Variants in SRGAP3 observed in about 807,000 individuals in gnomAD.
The protein encoded by SRGAP3 is SLIT-ROBO Rho GTPase activating protein 3.
In SRGAP3, 39 loss-of-function variants were observed where a neutral mutation model predicts 121.1. The ratio of observed to expected loss-of-function variants is 0.32; its 90% CI spans 0.25 to 0.42. The LOEUF is 0.42. Among genes scored for constraint, SRGAP3 ranks in the 10% least tolerant of loss-of-function variants. The probability of loss-of-function intolerance (pLI) is 1.00; values close to 1 mark genes in which losing one functional copy is unlikely to be tolerated. For missense variants in SRGAP3, 1,213 were observed against 1,470.6 expected, an observed-to-expected ratio of 0.82 and a Z score of 2.86; for synonymous variants, 601 against 570.0, an observed-to-expected ratio of 1.05 and a Z score of -0.77.
At chr3:9,212,246 C>T (rs948334971) in intron 1 of SRGAP3, among the ~76,000 whole-genome samples, 21 of 152,192 alleles carry the variant, frequency 1.4e-4, no homozygotes, top group African/African-American at 5.1e-4. Flanking sequence ...ATAAACCACG[C>T]TGGTCCCAGC....
At chr3:9,341,756 C>T (rs940878478) in intron 1 of SRGAP3, among the ~76,000 whole-genome samples, 1 of 152,188 alleles carries the variant, frequency 6.6e-6, no homozygotes, top group Non-Finnish European at 1.5e-5. Context: ...ACCTCGGCCT[C>T]CCAAAGTGTT....
chr3:9,047,574 G>A (rs577289189), intron 9 of SRGAP3, 99 bp from the exon 10 acceptor site: 169 of 1,150,008 alleles, frequency 1.5e-4, no homozygotes, highest in Admixed American at 6.6e-4. Context: ...GCCGAACAGA[G>A]ATCACGTCAC....
intron 1 of SRGAP3, chr3:9,216,684 G>C (rs1952641660): frequency 6.6e-6 from 1 of 152,586 alleles, no homozygotes. Context: ...AGGTACTGAG[G>C]GGCCAAGTCA....
chr3:9,133,891 T>G (rs1158568086), intron 1 of SRGAP3, among the ~76,000 whole-genome samples: 1 of 152,234 alleles, frequency 6.6e-6, no homozygotes, highest in Non-Finnish European at 1.5e-5. Flanking sequence ...GGTAGGGTTT[T>G]AAGTAAAATA....
intron 1 of SRGAP3, among the ~76,000 whole-genome samples, chr3:9,344,309 G>A (rs1955845913): frequency 6.6e-6 from 1 of 152,186 alleles, no homozygotes; most frequent in African/African-American, 2.4e-5. Context: ...ACAAAAATTA[G>A]CTGGGCATTG....
At position 9,020,323 on chromosome 3, in the gene SRGAP3, T is replaced by C. The variant is rs77089985; in HGVS notation, c.1679-4592A>G. On this transcript the variant is annotated intron_variant, in intron 14 of 21. Transcript: ENST00000383836. Reference sequence around the variant, plus strand: ...ACAGTAGAATCTCAACCTTTTTTTTTTCTCAGTAAAAAATTCCTGTGAAAT... The same window carrying C: ...ACAGTAGAATCTCAACCTTTTTTTTCTCTCAGTAAAAAATTCCTGTGAAAT... Among the ~76,000 whole-genome samples the C allele has an allele frequency of 2.0e-5, 3 of 152,190 alleles. No homozygotes were observed. The South Asian group carries it at 6.2e-4, about 32-fold the overall frequency.
intron 3 of SRGAP3, among the ~76,000 whole-genome samples, chr3:9,096,928 CATT>C (rs1193997948): frequency 0.025 from 2,414 of 94,896 alleles, 109 homozygotes; most frequent in African/African-American, 0.079. Context: ...ATATTTTTTA[CATT>C]ATTTTGTATA....
intron 3 of SRGAP3, among the ~76,000 whole-genome samples, chr3:9,316,853 C>G (rs1027457777): frequency 5.3e-5 from 8 of 152,144 alleles, no homozygotes; most frequent in African/African-American, 7.2e-5. Flanking sequence ...TGCTAAGCAT[C>G]TGAAGGCGGG....
intron 10 of SRGAP3, among the ~76,000 whole-genome samples, chr3:9,045,115 G>A (rs1945197256): frequency 6.7e-6 from 1 of 150,038 alleles, no homozygotes. Context: ...ACTAGATGTG[G>A]AGTATATGAA....
chr3:9,124,154 G>C (rs1949129886), intron 2 of SRGAP3, among the ~76,000 whole-genome samples: 2 of 152,240 alleles, frequency 1.3e-5, no homozygotes, highest in Admixed American at 6.5e-5. Context: ...TCAGAGCTTG[G>C]GATATGAGAA....
At position 9,040,293 on chromosome 3, in the gene SRGAP3, T is replaced by G. The variant is rs6783248; in HGVS notation, c.1409-2203A>C. ...GGGACAAAATCCAGACCTCTTACTC[T>G]GTTTTATAAACCCTTTGAGGTCAGA... On this transcript the variant is annotated intron_variant, in intron 10 of 21. Transcript: ENST00000383836. Among the ~76,000 whole-genome samples, 133 of 152,244 alleles carry G rather than the reference T, an allele frequency of 8.7e-4. 3 individuals are homozygous for G. The highest frequency in any genetic ancestry group is 3.1e-3 in the African/African-American group (130 of 41,582).
At chr3:9,013,980 G>A (rs1943504650) in intron 15 of SRGAP3, 138 bp from the exon 16 acceptor site, 3 of 794,264 alleles carry the variant, frequency 3.8e-6, no homozygotes, top group Non-Finnish European at 2.2e-6. Context: ...GATCACAGGT[G>A]ATCCTGGCCT....
chr3:9,290,151 G>A (rs1291421773), intron 3 of SRGAP3, among the ~76,000 whole-genome samples: 1 of 152,030 alleles, frequency 6.6e-6, no homozygotes, highest in Non-Finnish European at 1.5e-5. Flanking sequence ...AAGTGTCTAT[G>A]AAGCAAACAC....
At chr3:9,174,269 A>T (rs1161986854) in intron 1 of SRGAP3, among the ~76,000 whole-genome samples, 1 of 152,358 alleles carries the variant, frequency 6.6e-6, no homozygotes, top group East Asian at 1.9e-4. Flanking sequence ...GATGGTGGTG[A>T]TGGCTGCACA....
intron 3 of SRGAP3, among the ~76,000 whole-genome samples, chr3:9,306,966 C>A (rs1955170850): frequency 1.3e-5 from 2 of 152,028 alleles, no homozygotes. Flanking sequence ...TCTTTACACA[C>A]TTGTATGACT....
intron 5 of SRGAP3, 32 bp downstream of exon 5, chr3:9,064,364 C>G: frequency 6.2e-7 from 1 of 1,614,054 alleles, no homozygotes; most frequent in Non-Finnish European, 8.5e-7. Flanking sequence ...TGCCCTGTCC[C>G]CAATCGCTCC....
At chr3:9,307,886 A>C (rs1283181376) in intron 3 of SRGAP3, among the ~76,000 whole-genome samples, 1 of 152,214 alleles carries the variant, frequency 6.6e-6, no homozygotes, top group East Asian at 1.9e-4. Context: ...TGGGCGTGGC[A>C]GCTCACACCT....
chr3:9,229,159 G>A (rs1953109397), intron 1 of SRGAP3, among the ~76,000 whole-genome samples: 1 of 151,916 alleles, frequency 6.6e-6, no homozygotes, highest in African/African-American at 2.4e-5. Flanking sequence ...CCACTGGAAG[G>A]AAAGGTGATA....
At chr3:9,019,930 G>A (rs946477386) in intron 14 of SRGAP3, among the ~76,000 whole-genome samples, 5 of 152,156 alleles carry the variant, frequency 3.3e-5, no homozygotes, top group African/African-American at 1.2e-4. Context: ...TTCTTTGTAG[G>A]GAAGGAAGAG....
Sources: allele counts gnomAD v4.1 joint callset (sites outside exome capture counted in the v4.1 genomes callset), GRCh38; gene constraint gnomAD v4.1.1; transcripts MANE v1.5; gene names NCBI Gene and HGNC (gene_info 2026-07-23, HGNC 2026-07-21).